Variants in MEIG1 observed in about 807,000 individuals in gnomAD.
MEIG1 encodes meiosis expressed gene 1 protein homolog.
In MEIG1, 12 loss-of-function variants were observed where a neutral mutation model predicts 11.3. That is an observed-to-expected ratio of 1.07 (90% CI 0.68 to 1.73). The LOEUF (loss-of-function observed/expected upper bound fraction) is 1.73. Among genes scored for constraint, MEIG1 ranks in the 40% most tolerant of loss-of-function variants. The probability of loss-of-function intolerance (pLI) is 0.00; values close to 1 mark genes in which losing one functional copy is unlikely to be tolerated. For synonymous variants in MEIG1, 41 were observed against 33.2 expected, an observed-to-expected ratio of 1.24 and a Z score of -0.81; for missense variants, 119 against 104.9, an observed-to-expected ratio of 1.13 and a Z score of -0.59.
chr10:14,967,504 A>ACT (rs758018633), intron 2 of MEIG1, among the ~76,000 whole-genome samples: 2 of 135,290 alleles, frequency 1.5e-5, no homozygotes, highest in Non-Finnish European at 3.2e-5. Context: ...CTACTAAGAT[A>ACT]TTTTTTTTTT....
chr10:14,977,426 G>T (rs1036452124), downstream of MEIG1, among the ~76,000 whole-genome samples: 1 of 151,946 alleles, frequency 6.6e-6, no homozygotes, highest in Non-Finnish European at 1.5e-5. Flanking sequence ...ATTCAGGGGG[G>T]ATGTTACTCA....
downstream of MEIG1, chr10:14,972,905 G>T (rs757891967): frequency 3.6e-6 from 1 of 277,310 alleles, no homozygotes; most frequent in Non-Finnish European, 6.9e-6. Context: ...TCGCTCTGTC[G>T]CCCAGGCTGG....
chr10:14,983,495 C>G (rs1338481510), intron 1 of MEIG1, among the ~76,000 whole-genome samples: 1 of 151,850 alleles, frequency 6.6e-6, no homozygotes, highest in African/African-American at 2.4e-5. Flanking sequence ...TTCCTAATAT[C>G]CATGGAGAGG....
chr10:14,981,493 G>A (rs1027504556), intron 1 of MEIG1, among the ~76,000 whole-genome samples: 11 of 152,268 alleles, frequency 7.2e-5, no homozygotes, highest in Admixed American at 2.0e-4. Flanking sequence ...GGAAACCCCC[G>A]TGGCTCCGGT....
chr10:14,960,358 T>G (rs1445866188), intron 1 of MEIG1, among the ~76,000 whole-genome samples: 2 of 152,210 alleles, frequency 1.3e-5, no homozygotes, highest in African/African-American at 2.4e-5. Flanking sequence ...GCTGGCTACA[T>G]CAGAAGCTTC....
chr10:14,978,008 G>A (rs1027139340), intron 1 of MEIG1, among the ~76,000 whole-genome samples: 2 of 151,836 alleles, frequency 1.3e-5, no homozygotes, highest in Non-Finnish European at 2.9e-5. Context: ...TGTACACCCT[G>A]TTCTATTATT....
At chr10:14,971,813 T>G (rs78860718) in intron 2 of MEIG1, among the ~76,000 whole-genome samples, 3,345 of 152,274 alleles carry the variant, frequency 0.022, 117 homozygotes, top group African/African-American at 0.076. Context: ...GCCACAGTAT[T>G]GAAATTTAAA....
At chr10:14,975,408 C>T (rs1843199453), downstream of MEIG1, among the ~76,000 whole-genome samples, 1 of 151,920 alleles carries the variant, frequency 6.6e-6, no homozygotes, top group South Asian at 2.1e-4. Flanking sequence ...CCCAATATGG[C>T]AGGGGGTCTA....
At position 14,966,609 on chromosome 10, in the gene MEIG1, A is replaced by G. The variant is rs1326395686; in HGVS notation, c.138+3A>G. The G allele has an allele frequency of 1.2e-6, 2 of 1,607,526 alleles. No homozygotes were observed. The highest frequency in any genetic ancestry group is 1.3e-5 in the African/African-American group (1 of 74,516). On this transcript the variant is annotated splice_donor_region_variant and intron_variant, in intron 2 of 2. Transcript: ENST00000407572. ...GACAAGTGAAACAAGTTTCTATGGT[A>G]AGATTTCTGTCTCTACAAACCTCAA...
At position 14,959,995 on chromosome 10, in the gene MEIG1, T is replaced by G. The variant is rs553499148; in HGVS notation, c.-30+438T>G. On this transcript the variant is annotated intron_variant, in intron 1 of 2. Coordinates refer to ENST00000407572, the MANE Select transcript of MEIG1 (RefSeq NM_001080836.3). Reference sequence around the variant, plus strand: ...TGTGAGGGCCGGAAGGGAGCGGTTTTGTGCTGCACACAGGCAGGTCAGCAC... The same window carrying G: ...TGTGAGGGCCGGAAGGGAGCGGTTTGGTGCTGCACACAGGCAGGTCAGCAC... Among the ~76,000 whole-genome samples the G allele has an allele frequency of 2.0e-5, 3 of 152,372 alleles. No individual in the cohort carries two copies. The South Asian group carries it at 6.2e-4, about 32-fold the overall frequency.
intron 1 of MEIG1, among the ~76,000 whole-genome samples, chr10:14,980,914 A>G (rs1208057872): frequency 6.6e-6 from 1 of 152,166 alleles, no homozygotes; most frequent in African/African-American, 2.4e-5. Flanking sequence ...AACCCCAACA[A>G]TGTGGACGGG....
intron 1 of MEIG1, among the ~76,000 whole-genome samples, chr10:14,962,392 C>A (rs970417904): frequency 6.6e-6 from 1 of 152,164 alleles, no homozygotes; most frequent in Non-Finnish European, 1.5e-5. Flanking sequence ...CATTCATATT[C>A]TCTTTAGGTA....
At chr10:14,964,225 G>A (rs914331970) in intron 1 of MEIG1, among the ~76,000 whole-genome samples, 2 of 151,992 alleles carry the variant, frequency 1.3e-5, no homozygotes, top group Admixed American at 1.3e-4. Flanking sequence ...AGAGTCCATT[G>A]GTACTTGTGA....
upstream of MEIG1, among the ~76,000 whole-genome samples, chr10:14,956,519 T>C (rs1842955474): frequency 6.6e-6 from 1 of 151,964 alleles, no homozygotes; most frequent in Non-Finnish European, 1.5e-5. Context: ...GATGCGGAAA[T>C]TGCACTGAGC....
At chr10:14,974,969 A>T (rs1843195419), downstream of MEIG1, among the ~76,000 whole-genome samples, 1 of 152,128 alleles carries the variant, frequency 6.6e-6, no homozygotes, top group South Asian at 2.1e-4. Flanking sequence ...CCCACCTGTG[A>T]TATTGTTCAT....
intron 1 of MEIG1, among the ~76,000 whole-genome samples, chr10:14,963,857 G>C (rs1299605663): frequency 6.6e-6 from 1 of 152,130 alleles, no homozygotes; most frequent in Admixed American, 6.5e-5. Flanking sequence ...CCAGCCTTTT[G>C]GGGGGCTGAG....
downstream of MEIG1, among the ~76,000 whole-genome samples, chr10:14,977,684 T>C (rs1193642905): frequency 6.6e-6 from 1 of 151,978 alleles, no homozygotes; most frequent in African/African-American, 2.4e-5. Context: ...TACCCTGTGA[T>C]ATTATTTGTA....
At chr10:14,956,102 G>T (rs1398249916), upstream of MEIG1, among the ~76,000 whole-genome samples, 1 of 152,190 alleles carries the variant, frequency 6.6e-6, no homozygotes, top group South Asian at 2.1e-4. Context: ...CAAACAAAGG[G>T]AAATAGAGTC....
In MEIG1 at chr10:14,986,967, A is replaced by G. The variant is rs1379388205; in HGVS notation, n.238A>G. Reference sequence around the variant, plus strand: ...ACACAATCCAACCGTGCAGCTGGGAATCCAACAGGCTAAGGAAAAAGGACA... The same window carrying G: ...ACACAATCCAACCGTGCAGCTGGGAGTCCAACAGGCTAAGGAAAAAGGACA... On this transcript the variant is annotated non_coding_transcript_exon_variant, in exon 2 of 3. Transcript: ENST00000467536. 5.9e-6 allele frequency: 4 copies of G among 681,478 alleles called. No homozygotes were observed. The Admixed American group carries it at 9.4e-5, about 16-fold the overall frequency. 42.2% of individuals were successfully genotyped at this position (681,478 alleles called of 1,614,324 possible).
Sources: gnomAD v4.1 joint callset for allele counts (sites outside exome capture counted in the v4.1 genomes callset) on GRCh38, gnomAD v4.1.1 for gene constraint, MANE v1.5 for transcripts, NCBI Gene and HGNC (gene_info 2026-07-23, HGNC 2026-07-21) for gene names.